ZNF560: variants seen among roughly 807,000 people sequenced by gnomAD.
ZNF560 encodes the protein zinc finger protein 560.
A neutral mutation model predicts 81.8 loss-of-function variants in ZNF560; 54 were observed. The ratio of observed to expected loss-of-function variants is 0.66; its 90% CI spans 0.53 to 0.83. The LOEUF is 0.83. Among genes scored for constraint, ZNF560 ranks in the 40% least tolerant of loss-of-function variants. The pLI, the probability that ZNF560 is intolerant of heterozygous loss-of-function variation, is 0.00. For missense variants in ZNF560, 940 were observed against 932.4 expected (o/e 1.01, Z -0.11); for synonymous variants, 321 against 317.9 (o/e 1.01, Z -0.10).
intron 4 of ZNF560, among the ~76,000 whole-genome samples, chr19:9,473,470 T>TG (rs1365411102): frequency 6.6e-6 from 1 of 151,592 alleles, no homozygotes; most frequent in Non-Finnish European, 1.5e-5. Flanking sequence ...CCCAGCTACT[T>TG]GGGGGGCTGA....
At position 9,473,168 on chromosome 19, in the gene ZNF560, C is replaced by T. The variant is rs760737188; in HGVS notation, c.238+11G>A. 6 of 1,611,602 alleles carry T rather than the reference C, an allele frequency of 3.7e-6. No homozygotes were observed. Among genetic ancestry groups the T allele is most frequent in the Admixed American group, 3.3e-5 (2 of 59,996 alleles). On this transcript the variant is annotated intron_variant, in intron 5 of 9. Coordinates refer to ENST00000301480, the MANE Select transcript of ZNF560 (RefSeq NM_152476.3). Reference sequence around the variant, plus strand: ...TCTCACTGACCAAGGTTGTTCTTCACAAATACTCACCTTGGAGAACTCCTT... The same window carrying T: ...TCTCACTGACCAAGGTTGTTCTTCATAAATACTCACCTTGGAGAACTCCTT...
intron 2 of ZNF560, among the ~76,000 whole-genome samples, chr19:9,481,723 G>A (rs2073292419): frequency 6.6e-6 from 1 of 152,164 alleles, no homozygotes; most frequent in African/African-American, 2.4e-5. Flanking sequence ...ACCACAATAA[G>A]ATACCATCTC....
At chr19:9,495,861 A>G (rs2073549645) in intron 2 of ZNF560, among the ~76,000 whole-genome samples, 1 of 152,242 alleles carries the variant, frequency 6.6e-6, no homozygotes, top group African/African-American at 2.4e-5. Flanking sequence ...ATCTATTTTC[A>G]GATGTAGCAA....
chr19:9,496,194 C>T (rs2073554803), intron 2 of ZNF560, among the ~76,000 whole-genome samples: 1 of 151,940 alleles, frequency 6.6e-6, no homozygotes, highest in Admixed American at 6.6e-5. Context: ...ATATTCTGGG[C>T]GTCCTGCAAG....
At chr19:9,472,640 AG>A (rs1387572637) in intron 5 of ZNF560, among the ~76,000 whole-genome samples, 4 of 152,332 alleles carry the variant, frequency 2.6e-5, no homozygotes, top group Non-Finnish European at 5.9e-5. Flanking sequence ...AAACAACCTC[AG>A]GGTTCCCATT....
the ZNF560 span, among the ~76,000 whole-genome samples, chr19:9,458,069 C>G: frequency 6.6e-6 from 1 of 152,170 alleles, no homozygotes; most frequent in Non-Finnish European, 1.5e-5. Context: ...CGGACTTTGA[C>G]TCCTTATTTG....
the ZNF560 span, among the ~76,000 whole-genome samples, chr19:9,459,424 G>A: frequency 4.6e-5 from 7 of 152,188 alleles, no homozygotes; most frequent in Non-Finnish European, 1.0e-4. Context: ...TTATGCTTGT[G>A]TTTCTAAAGG....
At chr19:9,497,909 T>G (rs1343767118) in intron 2 of ZNF560, among the ~76,000 whole-genome samples, 1 of 152,178 alleles carries the variant, frequency 6.6e-6, no homozygotes, top group Non-Finnish European at 1.5e-5. Flanking sequence ...CTTAGGTTTC[T>G]TTAGTAGAAA....
rs1303670178 is a variant in ZNF560, at chr19:9,467,539, C to A, written c.1408G>T (p.Gly470Cys). Residue 470 changes from glycine to cysteine, a missense_variant, in exon 10 of 10, where the codon GGT (glycine) becomes TGT (cysteine). Gly to Cys is a radical substitution (Grantham distance 159). Coordinates refer to ENST00000301480, the MANE Select transcript of ZNF560 (RefSeq NM_152476.3). The part of the protein sequence containing the change: ...YEHKEYGKAF[G>C]TSSGVIEDRR... ...TCTTCAATAACACCTGAGGATGTAC[C>A]AAAGGCCTTCCCATATTCCTTATGC... The A allele has an allele frequency of 8.1e-6, 13 of 1,613,884 alleles. 1 individual carries two copies. The South Asian group carries it at 1.3e-4, about 16-fold the overall frequency.
chr19:9,458,558 A>T, the ZNF560 span, among the ~76,000 whole-genome samples: 1 of 152,234 alleles, frequency 6.6e-6, no homozygotes, highest in South Asian at 2.1e-4. Context: ...AATTCCACAC[A>T]TAAGAGCAAC....
rs968491634 is a variant in ZNF560, at chr19:9,467,267, G to C, written c.1680C>G (p.Thr560=). The C allele has an allele frequency of 6.2e-7, 1 of 1,613,940 alleles. No individual in the cohort carries two copies. Among genetic ancestry groups the C allele is most frequent in the Non-Finnish European group, 8.5e-7 (1 of 1,179,972 alleles). ...CTCCAGCGTGTGTTCGTAAATGTTTGGTAAGATATGAGCACTTAGTGAAAG... is the reference window on the plus strand; with the variant it reads ...CTCCAGCGTGTGTTCGTAAATGTTTCGTAAGATATGAGCACTTAGTGAAAG... ...GKAFTKCSYL[T]KHLRTHAGEK... The change falls in exon 10 of 10, where the codon ACC becomes ACG. Residue 560 remains threonine (T), a synonymous_variant. Coordinates refer to ENST00000301480, the MANE Select transcript of ZNF560 (RefSeq NM_152476.3).
chr19:9,466,930 G>T lies in ZNF560; in HGVS notation c.2017C>A (p.Gln673Lys). Residue 673 changes from glutamine to lysine, a missense_variant, in exon 10 of 10, where the codon CAA becomes AAA. Gln to Lys is a moderately conservative substitution (Grantham distance 53, BLOSUM62 1). Transcript: ENST00000301480. ...TCTGCTGCATGAGTTTTTAAGTGTT[G>T]AGTTAGTACACAAGACCTACTGTAA... ...KAYSRSCVLT[Q>K]HLKTHAAEKT... 1.2e-6 allele frequency: 2 copies of T among 1,614,044 alleles called. No individual in the cohort carries two copies. The highest frequency in any genetic ancestry group is 2.7e-5 in the African/African-American group (2 of 75,028).
intron 2 of ZNF560, among the ~76,000 whole-genome samples, chr19:9,477,988 T>C (rs914736217): frequency 6.6e-6 from 1 of 151,910 alleles, no homozygotes; most frequent in African/African-American, 2.4e-5. Flanking sequence ...AAAGAAACAA[T>C]AACAACATTT....
intron 2 of ZNF560, among the ~76,000 whole-genome samples, chr19:9,488,069 CATAA>C (rs1438275629): frequency 6.6e-6 from 1 of 150,794 alleles, no homozygotes; most frequent in Non-Finnish European, 1.5e-5. Context: ...GTAGATCTCA[CATAA>C]ATAGATTAAT....
chr19:9,470,601 C>A, intron 6 of ZNF560, 83 bp from the exon 7 acceptor site: 1 of 1,601,862 alleles, frequency 6.2e-7, no homozygotes, highest in Non-Finnish European at 8.5e-7. Context: ...GGGACCCAAT[C>A]CCTGTACAGG....
chr19:9,478,253 G>T (rs10421124), intron 2 of ZNF560, among the ~76,000 whole-genome samples: 7,341 of 152,154 alleles, frequency 0.048, 606 homozygotes, highest in African/African-American at 0.17. Context: ...ATAAACTGCT[G>T]TCAGGAAAAA....
At chr19:9,481,923 G>T (rs1024172062) in intron 2 of ZNF560, among the ~76,000 whole-genome samples, 1 of 152,070 alleles carries the variant, frequency 6.6e-6, no homozygotes, top group Admixed American at 6.6e-5. Flanking sequence ...CCCATTACTG[G>T]GTATATACCC....
intron 9 of ZNF560, 21 bp from the exon 10 acceptor site, chr19:9,468,355 A>C (rs2073067626): frequency 6.5e-7 from 1 of 1,541,008 alleles, no homozygotes; most frequent in Non-Finnish European, 8.7e-7. Flanking sequence ...AGGAATGAAC[A>C]ATAAAGGAAG....
the ZNF560 span, among the ~76,000 whole-genome samples, chr19:9,450,452 G>A: frequency 6.6e-6 from 1 of 152,154 alleles, no homozygotes; most frequent in Non-Finnish European, 1.5e-5. Flanking sequence ...AACTCTATAA[G>A]ACTCTGACAA....
Sources: allele counts gnomAD v4.1 joint callset (sites outside exome capture counted in the v4.1 genomes callset), GRCh38; gene constraint gnomAD v4.1.1; transcripts MANE v1.5; gene names NCBI Gene and HGNC (gene_info 2026-07-23, HGNC 2026-07-21).